SHISA6: variants seen among roughly 807,000 people sequenced by gnomAD.
SHISA6 encodes the protein shisa family member 6.
SHISA6 carries 22 observed loss-of-function variants against 47.9 expected under a neutral mutation model. The observed-to-expected ratio is 0.46, with a 90% confidence interval of 0.33 to 0.66. The LOEUF is 0.66. Ranked by LOEUF, SHISA6 falls within the 30% of genes least tolerant of loss-of-function variation. The pLI is 0.02. For missense variants in SHISA6, 680 were observed against 764.6 expected, an observed-to-expected ratio of 0.89 and a Z score of 1.30; for synonymous variants, 388 against 337.8, an observed-to-expected ratio of 1.15 and a Z score of -1.63.
intron 3 of SHISA6, among the ~76,000 whole-genome samples, chr17:11,426,449 GA>G (rs1914612653): frequency 6.6e-6 from 1 of 152,192 alleles, no homozygotes; most frequent in Non-Finnish European, 1.5e-5. Flanking sequence ...GCTTTAAGAG[GA>G]AGTTAAGTAG....
rs563853998 is a variant in SHISA6, at chr17:11,255,616, C to T, written c.639-7750C>T. Among the ~76,000 whole-genome samples the T allele has an allele frequency of 4.8e-4, 73 of 152,288 alleles. 1 individual carries two copies. The highest frequency in any genetic ancestry group is 6.8e-3 in the Middle Eastern group (2 of 294). On this transcript the variant is annotated intron_variant, in intron 1 of 5. Transcript: ENST00000441885. ...GCCTTTGGCTGTCAAAGTCCAAGTT[C>T]AGGGTTCAGCAGAAACGGGTGTGTG...
rs369040952 is a variant in SHISA6, at chr17:11,383,402, G to T, written c.895+3893G>T. Among the ~76,000 whole-genome samples, 15 of 152,260 alleles carry T rather than the reference G, an allele frequency of 9.9e-5. 1 individual carries two copies. In the East Asian group the frequency reaches 2.5e-3, roughly 26 times the overall value. On this transcript the variant is annotated intron_variant, in intron 3 of 5. Transcript: ENST00000441885. ...TCATGGGTAATTAAATAGTCTCAAA[G>T]GAAGCCTGCAATAAACGCGTATTCT...
At chr17:11,418,534 C>G (rs1914354275) in intron 3 of SHISA6, among the ~76,000 whole-genome samples, 1 of 152,182 alleles carries the variant, frequency 6.6e-6, no homozygotes, top group East Asian at 1.9e-4. Context: ...ACCCTCTTAA[C>G]TAACACCTTG....
In SHISA6 at chr17:11,543,869, T is replaced by C. The variant is rs2071855212; in HGVS notation, c.896-8027T>C. 2.0e-5 allele frequency among the ~76,000 whole-genome samples: 3 copies of C among 149,936 alleles called. No homozygotes were observed. The South Asian group carries it at 6.3e-4, about 31-fold the overall frequency. On this transcript the variant is annotated intron_variant, in intron 3 of 5. Coordinates refer to ENST00000441885, the MANE Select transcript of SHISA6 (RefSeq NM_207386.4). ...AGCAATTTAGTGAAAAAAGGTGATC[T>C]TTTTAAAGAAGTGATTCTAGAGCAA... is the stretch of plus-strand genomic sequence containing the variant.
At chr17:11,447,339 T>G (rs1463269905) in intron 3 of SHISA6, among the ~76,000 whole-genome samples, 1 of 152,058 alleles carries the variant, frequency 6.6e-6, no homozygotes, top group East Asian at 1.9e-4. Context: ...GTGAGGCTAT[T>G]GTCGAGTTCC....
intron 3 of SHISA6, among the ~76,000 whole-genome samples, chr17:11,409,699 A>G (rs1194987892): frequency 7.6e-6 from 1 of 130,898 alleles, no homozygotes; most frequent in Non-Finnish European, 1.6e-5. Context: ...GCAAGACTCC[A>G]TCTCAAAAAA....
chr17:11,423,065 GGAGT>G (rs1914493596), intron 3 of SHISA6, among the ~76,000 whole-genome samples: 1 of 151,598 alleles, frequency 6.6e-6, no homozygotes, highest in African/African-American at 2.4e-5. Flanking sequence ...AGCTATAAAA[GGAGT>G]GAGTGCTTTT....
intron 3 of SHISA6, among the ~76,000 whole-genome samples, chr17:11,383,147 A>G (rs1202581005): frequency 2.0e-5 from 3 of 152,072 alleles, no homozygotes; most frequent in Admixed American, 1.3e-4. Flanking sequence ...CATGTTGGCC[A>G]GGCTGGTCTC....
chr17:11,252,089 A>G (rs962780847), intron 1 of SHISA6, among the ~76,000 whole-genome samples: 8 of 151,328 alleles, frequency 5.3e-5, no homozygotes, highest in African/African-American at 1.9e-4. Flanking sequence ...ACTCATGCCT[A>G]CTCCTTGTTA....
At chr17:11,535,915 T>C (rs557557763) in intron 3 of SHISA6, among the ~76,000 whole-genome samples, 14 of 152,232 alleles carry the variant, frequency 9.2e-5, no homozygotes, top group African/African-American at 3.4e-4. Flanking sequence ...GTGGTGTGTG[T>C]GTATATATCT....
chr17:11,550,383 C>T (rs1211361606), intron 3 of SHISA6, among the ~76,000 whole-genome samples: 1 of 152,058 alleles, frequency 6.6e-6, no homozygotes, highest in African/African-American at 2.4e-5. Context: ...TAGAGTTCAG[C>T]CTTCACCAAG....
intron 3 of SHISA6, among the ~76,000 whole-genome samples, chr17:11,486,083 T>C (rs1483407174): frequency 1.3e-5 from 2 of 152,192 alleles, no homozygotes; most frequent in Non-Finnish European, 2.9e-5. Context: ...CGCTCTTCAT[T>C]TCTACAAATG....
chr17:11,354,124 G>A (rs1055650927), intron 2 of SHISA6, among the ~76,000 whole-genome samples: 1 of 152,102 alleles, frequency 6.6e-6, no homozygotes, highest in Non-Finnish European at 1.5e-5. Context: ...AAATGTCTCC[G>A]GACATTGAAA....
intron 2 of SHISA6, among the ~76,000 whole-genome samples, chr17:11,340,798 C>T (rs1911497020): frequency 6.6e-6 from 1 of 152,198 alleles, no homozygotes; most frequent in Non-Finnish European, 1.5e-5. Context: ...AAGCACTGAA[C>T]TAGAATAGTG....
In SHISA6 at chr17:11,557,814, GCGGCACCCTCCC is replaced by G. The variant is rs1003778048; in HGVS notation, c.1168_1179del (p.Gly390_Pro393del). 1.9e-6 allele frequency: 3 copies of G among 1,551,212 alleles called. No homozygotes were observed. Among genetic ancestry groups the G allele is most frequent in the Non-Finnish European group, 2.6e-6 (3 of 1,146,980 alleles). On this transcript the variant is annotated inframe_deletion, in exon 6 of 6. Coordinates refer to ENST00000441885, the MANE Select transcript of SHISA6 (RefSeq NM_207386.4). ...CGGCACCTGCCCGACCTGGCTGCCC[GCGGCACCCTCCC>G]CCTCAATGTCATCCAGATGTCCCAA... is the stretch of plus-strand genomic sequence containing the variant.
chr17:11,515,184 A>G (rs1296299999), intron 3 of SHISA6, among the ~76,000 whole-genome samples: 6 of 151,294 alleles, frequency 4.0e-5, no homozygotes, highest in African/African-American at 1.5e-4. Flanking sequence ...AAAATGCTCC[A>G]TATAGCTGGG....
intron 3 of SHISA6, among the ~76,000 whole-genome samples, chr17:11,391,711 G>T (rs1252562120): frequency 1.3e-5 from 2 of 152,100 alleles, no homozygotes; most frequent in Non-Finnish European, 2.9e-5. Flanking sequence ...TTTCACTGTT[G>T]CAGGCCTCAG....
At chr17:11,555,392 C>T (rs1409255730) in intron 4 of SHISA6, among the ~76,000 whole-genome samples, 2 of 152,142 alleles carry the variant, frequency 1.3e-5, no homozygotes, top group African/African-American at 2.4e-5. Flanking sequence ...CACTTTCACA[C>T]AGAAGTAGAT....
intron 2 of SHISA6, among the ~76,000 whole-genome samples, chr17:11,354,094 C>A (rs1327571940): frequency 1.1e-4 from 16 of 152,124 alleles, no homozygotes; most frequent in Non-Finnish European, 1.2e-4. Flanking sequence ...TCCACCCTAG[C>A]CCCTAGTTGT....
Sources: gnomAD v4.1 joint callset for allele counts (sites outside exome capture counted in the v4.1 genomes callset) on GRCh38, gnomAD v4.1.1 for gene constraint, MANE v1.5 for transcripts, NCBI Gene and HGNC (gene_info 2026-07-23, HGNC 2026-07-21) for gene names.